The following ITPA variants were observed in gnomAD, a reference collection of about 807,000 sequenced individuals.
The protein encoded by ITPA is inosine triphosphatase.
Under a neutral mutation model 29.6 loss-of-function variants are expected in ITPA, and 29 were observed. The observed-to-expected ratio is 0.98, with a 90% CI of 0.73 to 1.34. The LOEUF is 1.34. ITPA is among the 40% of genes most tolerant of loss of function. The pLI is 0.00. For synonymous variants in ITPA, 103 were observed against 99.3 expected, an observed-to-expected ratio of 1.04 and a Z score of -0.22; for missense variants, 241 against 251.5, an observed-to-expected ratio of 0.96 and a Z score of 0.28.
upstream of ITPA, among the ~76,000 whole-genome samples, chr20:3,206,855 G>A (rs1044582506): frequency 1.5e-4 from 23 of 149,440 alleles, no homozygotes; most frequent in African/African-American, 5.4e-4. Flanking sequence ...GAAGAAGAAA[G>A]ATACAAAAAT....
Position 3,223,475 on chromosome 20 carries a change from G to A in ITPA, c.*13G>A, listed in dbSNP as rs373968062. On this transcript the variant is annotated 3_prime_UTR_variant, in exon 8 of 8. Transcript: ENST00000380113. ...TTTGGCAGCTTGACTTCTGCAGCTG[G>A]AGGAGGCCCCTCAGGCCGGGGATCT... 3.4e-5 allele frequency: 55 copies of A among 1,602,168 alleles called. No homozygotes were observed. Among genetic ancestry groups the A allele is most frequent in the Non-Finnish European group, 4.6e-5 (54 of 1,172,264 alleles).
upstream of ITPA, among the ~76,000 whole-genome samples, chr20:3,205,690 G>A (rs977746833): frequency 2.0e-5 from 3 of 152,122 alleles, no homozygotes; most frequent in African/African-American, 7.2e-5. Flanking sequence ...GATAGAGTGA[G>A]ACCCTGTCTC....
downstream of ITPA, among the ~76,000 whole-genome samples, chr20:3,226,479 C>T (rs2067555913): frequency 6.6e-6 from 1 of 152,188 alleles, no homozygotes; most frequent in Admixed American, 6.5e-5. This position sits in a 1 kb window ranked among gnomAD's most constrained non-coding sequence, Gnocchi z 4.4. Context: ...TGATCTCCCA[C>T]TCAGCACCAG....
At chr20:3,207,175 G>T (rs2067077241), upstream of ITPA, among the ~76,000 whole-genome samples, 1 of 152,026 alleles carries the variant, frequency 6.6e-6, no homozygotes, top group East Asian at 1.9e-4. Context: ...CTGCAGCCTC[G>T]ACTTCCCAGG....
intron 5 of ITPA, among the ~76,000 whole-genome samples, chr20:3,218,192 A>C (rs1464136840): frequency 6.6e-6 from 1 of 152,196 alleles, no homozygotes; most frequent in African/African-American, 2.4e-5. Context: ...TGCTGGGATT[A>C]CTGGCATGAG....
chr20:3,217,643 GT>G (rs1055978668), intron 5 of ITPA, among the ~76,000 whole-genome samples: 4 of 151,844 alleles, frequency 2.6e-5, no homozygotes, highest in Non-Finnish European at 2.9e-5. Context: ...TAATTTTTGT[GT>G]TTTTTGTAGA....
intron 5 of ITPA, 88 bp from the exon 6 acceptor site, chr20:3,218,426 TTCC>T: frequency 1.1e-6 from 1 of 918,588 alleles, no homozygotes; most frequent in African/African-American, 1.6e-5. Flanking sequence ...TTTTAGGGAA[TTCC>T]TCCCTCCCCA....
At chr20:3,214,540 GTATT>G (rs953404274) in intron 4 of ITPA, among the ~76,000 whole-genome samples, 8 of 149,572 alleles carry the variant, frequency 5.3e-5, no homozygotes, top group Non-Finnish European at 1.0e-4. Flanking sequence ...CTAATTTTTT[GTATT>G]TATTTATTTA....
In ITPA at chr20:3,213,214, C is replaced by A; in HGVS notation, c.112C>A (p.Gln38Lys). The A allele has an allele frequency of 6.2e-7, 1 of 1,614,178 alleles. No homozygotes were observed. Among genetic ancestry groups the A allele is most frequent in the Non-Finnish European group, 8.5e-7 (1 of 1,180,016 alleles). ...TAAGTTTCCATGCACTTTGGTGGCA[C>A]AGAAAATTGACCGTATGTCTCTGTT... ...GDKFPCTLVA[Q>K]KIDLPEYQGE... is the part of the protein sequence containing the mutation. The change falls in exon 2 of 8, where the codon CAG (glutamine) becomes AAG (lysine). Residue 38 changes from glutamine to lysine, a missense_variant. By Grantham distance (53) the Gln-to-Lys change is moderately conservative. Transcript: ENST00000380113.
intron 5 of ITPA, among the ~76,000 whole-genome samples, chr20:3,217,796 A>T (rs6051650): frequency 0.27 from 41,710 of 152,106 alleles, 6,171 homozygotes; most frequent in South Asian, 0.52. Context: ...TGAAAAATTT[A>T]AAAACTGTTA....
chr20:3,209,415 G>A (rs2067118877), upstream of ITPA: 1 of 819,904 alleles, frequency 1.2e-6, no homozygotes, highest in African/African-American at 1.7e-5. The surrounding 1 kb of genome is among the most constrained non-coding windows in gnomAD (Gnocchi z 4.6). Flanking sequence ...CCCGATACGC[G>A]CCTTGGGGTC....
chr20:3,218,890 G>A (rs2067385944), intron 6 of ITPA: 1 of 544,592 alleles, frequency 1.8e-6, no homozygotes, highest in East Asian at 3.2e-5. Flanking sequence ...GACAATGGAA[G>A]TGTTGTCAAT....
upstream of ITPA, among the ~76,000 whole-genome samples, chr20:3,206,567 A>G (rs2067071595): frequency 6.6e-6 from 1 of 151,950 alleles, no homozygotes; most frequent in African/African-American, 2.4e-5. Context: ...GTGGTGGCTC[A>G]TGCCCATAAT....
intron 4 of ITPA, among the ~76,000 whole-genome samples, chr20:3,214,462 G>C (rs1360352368): frequency 6.6e-6 from 1 of 150,840 alleles, no homozygotes; most frequent in Non-Finnish European, 1.5e-5. Context: ...CACCTGCCAG[G>C]CTCAGGTGAT....
At chr20:3,204,417 C>A, upstream of ITPA, 2 of 1,000,778 alleles carry the variant, frequency 2.0e-6, no homozygotes, top group South Asian at 1.6e-5. Context: ...AGCGCACGGA[C>A]GCGCATGCGT....
Position 3,223,463 on chromosome 20 carries a change from C to T in ITPA, c.*1C>T. 1 of 1,609,912 alleles carries T rather than the reference C, an allele frequency of 6.2e-7. No individual in the cohort carries two copies. The highest frequency in any genetic ancestry group is 1.1e-5 in the South Asian group (1 of 90,292). ...GTACTTTGGCAGTTTGGCAGCTTGACTTCTGCAGCTGGAGGAGGCCCCTCA... is the reference window on the plus strand; with the variant it reads ...GTACTTTGGCAGTTTGGCAGCTTGATTTCTGCAGCTGGAGGAGGCCCCTCA... On this transcript the variant is annotated 3_prime_UTR_variant, in exon 8 of 8. Coordinates refer to ENST00000380113, the MANE Select transcript of ITPA (RefSeq NM_033453.4).
chr20:3,224,397 A>G (rs1196519451), downstream of ITPA, among the ~76,000 whole-genome samples: 5 of 152,066 alleles, frequency 3.3e-5, no homozygotes, highest in African/African-American at 1.2e-4. Flanking sequence ...CTCAACCCCA[A>G]GGATATTCAA....
At chr20:3,225,375 C>T (rs1037648656), downstream of ITPA, among the ~76,000 whole-genome samples, 1 of 152,074 alleles carries the variant, frequency 6.6e-6, no homozygotes, top group African/African-American at 2.4e-5. Flanking sequence ...GACTTTCGGT[C>T]TCCACCCCCC....
At position 3,213,321 on chromosome 20, in the gene ITPA, C is replaced by G; in HGVS notation, c.127C>G (p.Pro43Ala). 1 of 1,613,994 alleles carries G rather than the reference C, an allele frequency of 6.2e-7. No homozygotes were observed. The highest frequency in any genetic ancestry group is 1.1e-5 in the South Asian group (1 of 91,074). The change falls in exon 3 of 8, where the codon CCG becomes GCG. Residue 43 changes from proline (P) to alanine (A), a missense_variant and splice_region_variant. By Grantham distance (27) the Pro-to-Ala change is conservative (BLOSUM62 -1). Transcript: ENST00000380113. ...CTLVAQKIDL[P>A]EYQGEPDEIS... ...TGTGTGTCTGTTTCCCTGATAAGTG[C>G]CGGAGTACCAGGGGGAGCCGGATGA...
Sources: gnomAD v4.1 joint callset for allele counts (sites outside exome capture counted in the v4.1 genomes callset) on GRCh38, gnomAD v4.1.1 for gene constraint, Gnocchi (gnomAD v3.1) non-coding constraint, MANE v1.5 for transcripts, NCBI Gene and HGNC (gene_info 2026-07-23, HGNC 2026-07-21) for gene names.